PAQR5: variants seen among roughly 807,000 people sequenced by gnomAD.
The protein encoded by PAQR5 is membrane progestin receptor gamma.
A neutral mutation model predicts 34.5 loss-of-function variants in PAQR5; 20 were observed. The observed-to-expected ratio is 0.58, with a 90% CI of 0.41 to 0.84. The LOEUF is 0.84. Among genes scored for constraint, PAQR5 ranks in the 40% least tolerant of loss-of-function variants. The pLI is 0.00. For synonymous variants in PAQR5, 131 were observed against 155.6 expected, an observed-to-expected ratio of 0.84 and a Z score of 1.18; for missense variants, 378 against 412.7, an observed-to-expected ratio of 0.92 and a Z score of 0.73.
At chr15:69,372,763 C>T (rs1253174918) in intron 3 of PAQR5, among the ~76,000 whole-genome samples, 1 of 152,084 alleles carries the variant, frequency 6.6e-6, no homozygotes, top group Non-Finnish European at 1.5e-5. Flanking sequence ...AAAGCCCAAT[C>T]ACTTCTCCTA....
At chr15:69,361,026 A>C (rs2055217358) in intron 3 of PAQR5, among the ~76,000 whole-genome samples, 1 of 152,230 alleles carries the variant, frequency 6.6e-6, no homozygotes, top group Non-Finnish European at 1.5e-5. Flanking sequence ...GGCATGGGGG[A>C]AAACCGTAAG....
chr15:69,363,536 G>GTTTTTTTTTTTTTT lies in PAQR5; in HGVS notation c.51+3411_51+3412insTTTTTTTTTTTTTT, dbSNP rs1226447954. Among the ~76,000 whole-genome samples, 2 of 82,002 alleles carry GTTTTTTTTTTTTTT rather than the reference G, an allele frequency of 2.4e-5. 1 individual carries two copies. Among genetic ancestry groups the GTTTTTTTTTTTTTT allele is most frequent in the East Asian group, 8.6e-4 (2 of 2,320 alleles). 53.8% of individuals were successfully genotyped at this position (82,002 alleles called of 152,430 possible). A position where few individuals can be genotyped will look rare whatever the true frequency, so the allele number is the denominator to read the frequency against. ...ACATCGAGTGTCAAATTGCTAATCT[G>GTTTTTTTTTTTTTT]TTTTTTGTTTTTGTTTTTTTTTTTT... On this transcript the variant is annotated intron_variant, in intron 3 of 8. Coordinates refer to ENST00000395407, the MANE Select transcript of PAQR5 (RefSeq NM_017705.4).
At chr15:69,313,984 G>A (rs372498712) in intron 1 of PAQR5, among the ~76,000 whole-genome samples, 15 of 152,110 alleles carry the variant, frequency 9.9e-5, no homozygotes, top group Middle Eastern at 3.4e-3. Context: ...CTTCACAGCC[G>A]CCTCCCCAAG....
At chr15:69,319,138 A>AAT (rs2054022158) in intron 1 of PAQR5, among the ~76,000 whole-genome samples, 2 of 136,482 alleles carry the variant, frequency 1.5e-5, no homozygotes, top group Admixed American at 8.1e-5. Flanking sequence ...CATTTCAAAA[A>AAT]ATATATATAT....
chr15:69,338,466 A>G (rs553547342), intron 2 of PAQR5, among the ~76,000 whole-genome samples: 1 of 152,324 alleles, frequency 6.6e-6, no homozygotes, highest in East Asian at 1.9e-4. Context: ...TATAGATGAG[A>G]GCACTAATGT....
At chr15:69,324,843 C>T (rs779786148) in intron 1 of PAQR5, among the ~76,000 whole-genome samples, 1 of 152,108 alleles carries the variant, frequency 6.6e-6, no homozygotes, top group Non-Finnish European at 1.5e-5. Context: ...CTCAGCTCTC[C>T]CCCATAGCTG....
At position 69,359,501 on chromosome 15, in the gene PAQR5, CA is replaced by C. The variant is rs2055176409; in HGVS notation, c.-115-464del. Among the ~76,000 whole-genome samples, 2 of 151,906 alleles carry C rather than the reference CA, an allele frequency of 1.3e-5. 1 individual carries two copies. The highest frequency in any genetic ancestry group is 4.2e-4 in the South Asian group (2 of 4,808). On this transcript the variant is annotated intron_variant, in intron 2 of 8. Coordinates refer to ENST00000395407, the MANE Select transcript of PAQR5 (RefSeq NM_017705.4). ...AGAGGGTCGTGATTGATTGATCGAGCAGGGGGTATGTAACTGGGGGTTGCAT... is the reference window on the plus strand; with the variant it reads ...AGAGGGTCGTGATTGATTGATCGAGCGGGGGTATGTAACTGGGGGTTGCAT...
At chr15:69,318,671 A>G (rs993341776) in intron 1 of PAQR5, among the ~76,000 whole-genome samples, 1 of 151,994 alleles carries the variant, frequency 6.6e-6, no homozygotes, top group Admixed American at 6.6e-5. Context: ...CAAGGGAGGT[A>G]GTTCAAGACC....
At chr15:69,377,666 A>G (rs2055744353) in intron 3 of PAQR5, among the ~76,000 whole-genome samples, 1 of 152,090 alleles carries the variant, frequency 6.6e-6, no homozygotes, top group African/African-American at 2.4e-5. Flanking sequence ...AAGCCCTCTC[A>G]TTTTACACAG....
intron 8 of PAQR5, among the ~76,000 whole-genome samples, chr15:69,401,498 G>A (rs2056625386): frequency 6.6e-6 from 1 of 152,220 alleles, no homozygotes; most frequent in Non-Finnish European, 1.5e-5. Flanking sequence ...TGACTGCCAT[G>A]TCCACCTCCC....
intron 1 of PAQR5, among the ~76,000 whole-genome samples, chr15:69,310,966 G>C (rs559395273): frequency 6.7e-6 from 1 of 148,172 alleles, no homozygotes; most frequent in East Asian, 2.0e-4. Context: ...GTGAACCCGG[G>C]AGGCGGAGCT....
chr15:69,382,274 G>C (rs2055904640), intron 4 of PAQR5, among the ~76,000 whole-genome samples: 1 of 152,102 alleles, frequency 6.6e-6, no homozygotes, highest in Non-Finnish European at 1.5e-5. Context: ...TAGATCCTGC[G>C]AGGAATGGCT....
At chr15:69,378,507 AAC>A (rs2055787431) in intron 3 of PAQR5, among the ~76,000 whole-genome samples, 1 of 149,070 alleles carries the variant, frequency 6.7e-6, no homozygotes, top group South Asian at 2.1e-4. Flanking sequence ...ACATTTTTTT[AAC>A]AGAGAACCTC....
chr15:69,387,106 A>ACCT (rs1416297141), intron 5 of PAQR5, among the ~76,000 whole-genome samples: 10 of 151,658 alleles, frequency 6.6e-5, no homozygotes. Flanking sequence ...AGCCTTCTCC[A>ACCT]CCTCACCCAG....
chr15:69,308,597 A>G (rs138586284), intron 1 of PAQR5, among the ~76,000 whole-genome samples: 1 of 152,228 alleles, frequency 6.6e-6, no homozygotes, highest in Non-Finnish European at 1.5e-5. Flanking sequence ...AACATTGCCA[A>G]ATGTCCACTG....
intron 3 of PAQR5, among the ~76,000 whole-genome samples, chr15:69,371,492 A>C (rs1305608039): frequency 6.6e-6 from 1 of 152,136 alleles, no homozygotes; most frequent in Non-Finnish European, 1.5e-5. Context: ...CTATTTTATT[A>C]AGAAAAGTAT....
At chr15:69,395,946 AGTGGT>A (rs1288482183) in intron 6 of PAQR5, among the ~76,000 whole-genome samples, 1 of 151,958 alleles carries the variant, frequency 6.6e-6, no homozygotes, top group Non-Finnish European at 1.5e-5. Context: ...CCGGGCACAC[AGTGGT>A]GTCCCTTTCT....
At chr15:69,379,017 T>C (rs2055802813) in intron 3 of PAQR5, among the ~76,000 whole-genome samples, 1 of 152,216 alleles carries the variant, frequency 6.6e-6, no homozygotes, top group African/African-American at 2.4e-5. Context: ...TCCTGCTACC[T>C]CAACAAATTA....
At chr15:69,350,210 A>G (rs560468534) in intron 2 of PAQR5, among the ~76,000 whole-genome samples, 1 of 152,374 alleles carries the variant, frequency 6.6e-6, no homozygotes, top group Admixed American at 6.5e-5. Context: ...GCAGAGGCAG[A>G]GAACCAATCA....
Sources: gnomAD v4.1 joint callset for allele counts (sites outside exome capture counted in the v4.1 genomes callset) on GRCh38, gnomAD v4.1.1 for gene constraint, MANE v1.5 for transcripts, NCBI Gene and HGNC (gene_info 2026-07-23, HGNC 2026-07-21) for gene names.